FAM120C: variants seen among roughly 807,000 people sequenced by gnomAD.
The protein encoded by FAM120C is constitutive coactivator of PPAR-gamma-like protein 2.
A neutral mutation model predicts 71.2 loss-of-function variants in FAM120C; 14 were observed. The observed-to-expected ratio is 0.20, with a 90% confidence interval of 0.13 to 0.31. FAM120C has a LOEUF of 0.31. Among genes scored for constraint, FAM120C ranks in the 10% least tolerant of loss-of-function variants. The probability of loss-of-function intolerance (pLI) is 1.00; values close to 1 mark genes in which losing one functional copy is unlikely to be tolerated. For synonymous variants in FAM120C, 354 were observed against 353.2 expected, an observed-to-expected ratio of 1.00 and a Z score of -0.03; for missense variants, 500 against 879.0, an observed-to-expected ratio of 0.57 and a Z score of 5.45.
chrX:54,077,788 TA>T (rs1438375374), intron 15 of FAM120C, among the ~76,000 whole-genome samples: 1 of 111,078 alleles, frequency 9.0e-6, no homozygotes, highest in Admixed American at 9.7e-5. Flanking sequence ...TACATTGTGA[TA>T]ACTATTTCTT....
chrX:54,177,110 CAG>C (rs2146653480), intron 1 of FAM120C, among the ~76,000 whole-genome samples: 1 of 111,422 alleles, frequency 9.0e-6, no homozygotes, highest in South Asian at 3.8e-4. Flanking sequence ...ATGGTTGGAA[CAG>C]GGGTGGCCAG....
chrX:54,136,242 C>T (rs181116127), intron 5 of FAM120C, among the ~76,000 whole-genome samples: 213 of 111,738 alleles, frequency 1.9e-3, no homozygotes, highest in African/African-American at 6.3e-3. Context: ...TCAGATGATC[C>T]GCCCGCCTCA....
Position 54,073,195 on chromosome X carries a change from T to G in FAM120C, c.3129A>C (p.Glu1043Asp). Reference sequence around the variant, plus strand: ...CTGGAAGACGATGATCACTCTTCTCTTCCTTGATCAATGCGCCACTGTTTC... The same window carrying G: ...CTGGAAGACGATGATCACTCTTCTCGTCCTTGATCAATGCGCCACTGTTTC... ...VNGNSGALIK[E>D]EKSDHRLPAP... The change falls in exon 16 of 16, where the codon GAA (glutamate) becomes GAC (aspartate). Residue 1043 changes from glutamate to aspartate, a missense_variant. Physicochemically the swap from Glu to Asp is conservative, Grantham distance 45. Coordinates refer to ENST00000375180, the MANE Select transcript of FAM120C (RefSeq NM_017848.6). The G allele has an allele frequency of 3.3e-6, 4 of 1,211,327 alleles. No homozygotes were observed. The highest frequency in any genetic ancestry group is 4.5e-6 in the Non-Finnish European group (4 of 895,334).
At position 54,081,774 on chromosome X, in the gene FAM120C, G is replaced by GA. The variant is rs782044757; in HGVS notation, c.2840-315dup. On this transcript the variant is annotated intron_variant, in intron 13 of 15. Coordinates refer to ENST00000375180, the MANE Select transcript of FAM120C (RefSeq NM_017848.6). ...GGGTGACAGAATGAGATTCTGTCTTGAAAAAAAAAAAAAAAAAGAAGAAGA... is the reference window on the plus strand; with the variant it reads ...GGGTGACAGAATGAGATTCTGTCTTGAAAAAAAAAAAAAAAAAAGAAGAAGA... 8.9e-3 allele frequency among the ~76,000 whole-genome samples: 547 copies of GA among 61,364 alleles called. 3 individuals carry two copies. The highest frequency in any genetic ancestry group is 0.011 in the Non-Finnish European group (361 of 32,372). 53.3% of individuals were successfully genotyped at this position (61,364 alleles called of 115,157 possible).
chrX:54,143,319 C>A (rs1263050409), intron 4 of FAM120C, among the ~76,000 whole-genome samples: 103 of 108,190 alleles, frequency 9.5e-4, no homozygotes, highest in African/African-American at 3.3e-3. Context: ...AAGATCAGAG[C>A]AGAACTGAAG....
chrX:54,145,116 T>C (rs2146621885), intron 4 of FAM120C, among the ~76,000 whole-genome samples: 1 of 112,185 alleles, frequency 8.9e-6, no homozygotes, highest in East Asian at 2.8e-4. Context: ...TAGCCATATG[T>C]AGAAAGCTGA....
chrX:54,132,349 G>A (rs1034464753), intron 9 of FAM120C, among the ~76,000 whole-genome samples: 7 of 109,625 alleles, frequency 6.4e-5, no homozygotes, highest in Admixed American at 9.8e-5. Flanking sequence ...CACAGCACCC[G>A]GCATTTTTTC....
At chrX:54,134,154 G>A in intron 7 of FAM120C, 108 bp from the exon 8 acceptor site, 2 of 777,050 alleles carry the variant, frequency 2.6e-6, no homozygotes, top group Non-Finnish European at 3.7e-6. Context: ...CCCTTTGGAG[G>A]GCAGGACACT....
At chrX:54,100,381 T>C (rs782654529) in intron 10 of FAM120C, among the ~76,000 whole-genome samples, 1 of 111,215 alleles carries the variant, frequency 9.0e-6, no homozygotes, top group East Asian at 2.8e-4. Context: ...TAGTCCCAGC[T>C]ACTCGGGAGG....
intron 10 of FAM120C, among the ~76,000 whole-genome samples, chrX:54,096,279 C>T (rs2066851079): frequency 9.1e-6 from 1 of 110,192 alleles, no homozygotes. Context: ...GGTGTGGTGG[C>T]GTGCGCCTGT....
chrX:54,091,239 G>GA (rs1159405323), intron 11 of FAM120C, 73 bp downstream of exon 11: 3,124 of 583,949 alleles, frequency 5.3e-3, no homozygotes, highest in Non-Finnish European at 6.6e-3. Flanking sequence ...TCAGCTTCAG[G>GA]AAAAAAAAAA....
Position 54,136,479 on chromosome X carries a change from T to C in FAM120C, c.1258+12A>G, listed in dbSNP as rs1383289338. 7.6e-6 allele frequency: 9 copies of C among 1,184,368 alleles called. No individual in the cohort carries two copies. Among genetic ancestry groups the C allele is most frequent in the Admixed American group, 2.2e-5 (1 of 45,618 alleles). On this transcript the variant is annotated intron_variant, in intron 5 of 15. Transcript: ENST00000375180. Reference sequence around the variant, plus strand: ...ATGAACAGAGCAGCTTAGGGTCAGATGGAAGCCTTACCTAGAAAGGAGGGA... The same window carrying C: ...ATGAACAGAGCAGCTTAGGGTCAGACGGAAGCCTTACCTAGAAAGGAGGGA...
chrX:54,162,464 C>T (rs1301267694), intron 1 of FAM120C, among the ~76,000 whole-genome samples: 2 of 111,604 alleles, frequency 1.8e-5, no homozygotes, highest in African/African-American at 3.3e-5. Flanking sequence ...TTGACAATAC[C>T]ATCATCTTCA....
intron 3 of FAM120C, among the ~76,000 whole-genome samples, chrX:54,153,463 A>G (rs1021159056): frequency 2.8e-5 from 3 of 107,245 alleles, no homozygotes; most frequent in African/African-American, 6.8e-5. Flanking sequence ...GAGGAAGTAC[A>G]GTGGCACGAT....
chrX:54,163,689 T>C (rs1340102064), intron 1 of FAM120C, among the ~76,000 whole-genome samples: 1 of 111,127 alleles, frequency 9.0e-6, no homozygotes, highest in Non-Finnish European at 1.9e-5. Context: ...TTTTAAAAAT[T>C]GGAGCTAGGA....
intron 5 of FAM120C, among the ~76,000 whole-genome samples, chrX:54,136,188 C>T (rs920782291): frequency 8.1e-5 from 9 of 111,162 alleles, no homozygotes; most frequent in Admixed American, 2.9e-4. Flanking sequence ...TTCATAGAGA[C>T]GGAGTTTCAC....
chrX:54,083,425 C>A (rs2066776873), intron 13 of FAM120C, among the ~76,000 whole-genome samples: 1 of 81,039 alleles, frequency 1.2e-5, no homozygotes, highest in African/African-American at 5.3e-5. Context: ...CATAGCGAGA[C>A]CCCATCTCCA....
chrX:54,113,680 G>A (rs2066950687), intron 10 of FAM120C, among the ~76,000 whole-genome samples: 1 of 110,310 alleles, frequency 9.1e-6, no homozygotes, highest in East Asian at 2.9e-4. Context: ...GGGAGGCCGA[G>A]GTGGGCAGAT....
rs944438502 is a variant in FAM120C at position 54,072,930 on chromosome X, G to T, written c.*103C>A. On this transcript the variant is annotated 3_prime_UTR_variant, in exon 16 of 16. Transcript: ENST00000375180. ...TAGGACATCCCACCAAAATCCTGGA[G>T]AAATCTAGGGTAAGCATTTATATCC... 4.6e-5 allele frequency: 47 copies of T among 1,012,749 alleles called. No homozygotes were observed. Among genetic ancestry groups the T allele is most frequent in the Non-Finnish European group, 6.2e-5 (47 of 760,919 alleles). The allele number at this position is 1,012,749 out of a possible 1,213,427, so 83.5% of individuals were successfully genotyped here.
Sources: allele counts gnomAD v4.1 joint callset (sites outside exome capture counted in the v4.1 genomes callset), GRCh38; gene constraint gnomAD v4.1.1; transcripts MANE v1.5; gene names NCBI Gene and HGNC (gene_info 2026-07-23, HGNC 2026-07-21).